PDZRN4: variants seen among roughly 807,000 people sequenced by gnomAD.
PDZRN4 encodes the protein PDZ domain containing ring finger 4.
Under a neutral mutation model 99.0 loss-of-function variants are expected in PDZRN4, and 70 were observed. The observed-to-expected ratio is 0.71, with a 90% CI of 0.58 to 0.86. PDZRN4 has a LOEUF of 0.86. Ranked by LOEUF, PDZRN4 falls within the 40% of genes least tolerant of loss-of-function variation. PDZRN4 has a pLI of 0.00. For missense variants in PDZRN4, 1,474 were observed against 1,331.2 expected, an observed-to-expected ratio of 1.11 and a Z score of -1.67; for synonymous variants, 551 against 501.6, an observed-to-expected ratio of 1.10 and a Z score of -1.32.
At position 41,525,869 on chromosome 12, in the gene PDZRN4, AT is replaced by A. The variant is rs1199017568; in HGVS notation, c.1203+15959del. Among the ~76,000 whole-genome samples the A allele has an allele frequency of 2.6e-5, 4 of 152,106 alleles. No individual in the cohort carries two copies. The South Asian group carries it at 6.2e-4, about 24-fold the overall frequency. ...AAAAAAAAAAATTCAAATTAAGCCC[AT>A]TTGTATATTTGACTTTCATATTCTC... On this transcript the variant is annotated intron_variant, in intron 5 of 9. Coordinates refer to ENST00000402685, the MANE Select transcript of PDZRN4 (RefSeq NM_001164595.2).
At chr12:41,567,545 T>A (rs1032797117) in intron 8 of PDZRN4, among the ~76,000 whole-genome samples, 1 of 152,104 alleles carries the variant, frequency 6.6e-6, no homozygotes, top group Non-Finnish European at 1.5e-5. Context: ...TGAGATTTAC[T>A]TGGTTATGAG....
chr12:41,481,650 T>C (rs1937675845), intron 3 of PDZRN4, among the ~76,000 whole-genome samples: 1 of 152,162 alleles, frequency 6.6e-6, no homozygotes, highest in Admixed American at 6.6e-5. Flanking sequence ...AAGTCTTCTG[T>C]AAAGTTTTCC....
chr12:41,340,378 A>C (rs1189843636), intron 3 of PDZRN4, among the ~76,000 whole-genome samples: 1 of 152,022 alleles, frequency 6.6e-6, no homozygotes, highest in East Asian at 1.9e-4. Context: ...TAAAACTAAA[A>C]GCAATTGAAC....
chr12:41,282,258 AT>A (rs1187381694), intron 3 of PDZRN4, among the ~76,000 whole-genome samples: 1 of 152,204 alleles, frequency 6.6e-6, no homozygotes, highest in Non-Finnish European at 1.5e-5. Flanking sequence ...ACCAACAAAG[AT>A]TTAAAAAGAC....
chr12:41,190,310 A>G (rs2120628562), intron 1 of PDZRN4, among the ~76,000 whole-genome samples: 1 of 152,338 alleles, frequency 6.6e-6, no homozygotes, highest in Non-Finnish European at 1.5e-5. Context: ...GGTTTCAAGG[A>G]GTATTTCTCT....
At chr12:41,480,995 A>G (rs1349948254) in intron 3 of PDZRN4, among the ~76,000 whole-genome samples, 5 of 151,852 alleles carry the variant, frequency 3.3e-5, no homozygotes, top group Non-Finnish European at 7.4e-5. Context: ...CTAATAGGCT[A>G]TATTTTAGAC....
chr12:41,194,106 A>G lies in PDZRN4; in HGVS notation c.761A>G (p.Glu254Gly). ...AATAATCAGGAAGGAACATCGACTG[A>G]AGGAATTTACGTTTCAAAAATTTTA... Reference protein sequence around the residue: ...NQNNQEGTSTEGIYVSKILEN... With the variant: ...NQNNQEGTSTGGIYVSKILEN... Residue 254 changes from glutamate to glycine, a missense_variant, in exon 3 of 10, where the codon GAA becomes GGA. Coordinates refer to ENST00000402685, the MANE Select transcript of PDZRN4 (RefSeq NM_001164595.2). 6.5e-7 allele frequency: 1 copy of G among 1,538,138 alleles called. No homozygotes were observed.
intron 3 of PDZRN4, among the ~76,000 whole-genome samples, chr12:41,352,975 G>A (rs927067272): frequency 3.9e-5 from 6 of 152,024 alleles, no homozygotes; most frequent in African/African-American, 1.4e-4. Context: ...ACACTGAGTT[G>A]GAGTGTTCTA....
intron 3 of PDZRN4, among the ~76,000 whole-genome samples, chr12:41,493,639 A>G (rs1448904993): frequency 6.6e-6 from 1 of 151,944 alleles, no homozygotes; most frequent in East Asian, 1.9e-4. Context: ...GTTGGTTACA[A>G]CTCTCCATAC....
chr12:41,536,264 T>C lies in PDZRN4; in HGVS notation c.1204-16392T>C, dbSNP rs79659853. Among the ~76,000 whole-genome samples the C allele has an allele frequency of 7.6e-3, 1,161 of 152,232 alleles. 50 individuals are homozygous for C. In the East Asian group the frequency reaches 0.14, roughly 18 times the overall value. On this transcript the variant is annotated intron_variant, in intron 5 of 9. Transcript: ENST00000402685. Reference sequence around the variant, plus strand: ...GAATATCATTCAGTGCTGAAAGAAATAAGCTGTCAAGCCATGAAAAAACAT... The same window carrying C: ...GAATATCATTCAGTGCTGAAAGAAACAAGCTGTCAAGCCATGAAAAAACAT...
chr12:41,188,616 T>C lies in PDZRN4; in HGVS notation c.161T>C (p.Leu54Pro). The C allele has an allele frequency of 6.5e-7, 1 of 1,539,788 alleles. No individual in the cohort carries two copies. ...GCGGTGCGGAGGCGCCGGTGCCCGC[T>C]GCAGTGCCAGCCCTTGGCGCCCGGC... The part of the protein sequence containing the change: ...PWAVRRRRCP[L>P]QCQPLAPGEL... The change falls in exon 1 of 10, where the codon CTG becomes CCG. Residue 54 changes from leucine (L) to proline (P), a missense_variant. By Grantham distance (98) the Leu-to-Pro change is moderately conservative (BLOSUM62 -3). Coordinates refer to ENST00000402685, the MANE Select transcript of PDZRN4 (RefSeq NM_001164595.2).
chr12:41,305,523 G>A (rs1254513099), intron 3 of PDZRN4, among the ~76,000 whole-genome samples: 1 of 152,096 alleles, frequency 6.6e-6, no homozygotes, highest in Non-Finnish European at 1.5e-5. Flanking sequence ...TTGGTATCTT[G>A]TGTGGGCTGC....
chr12:41,408,795 C>G (rs1021989832), intron 3 of PDZRN4, among the ~76,000 whole-genome samples: 1 of 151,860 alleles, frequency 6.6e-6, no homozygotes, highest in South Asian at 2.1e-4. Context: ...CTCTCTCTCT[C>G]TCTGTCTCTG....
At chr12:41,218,386 C>T (rs915456784) in intron 3 of PDZRN4, among the ~76,000 whole-genome samples, 2 of 152,006 alleles carry the variant, frequency 1.3e-5, no homozygotes, top group Non-Finnish European at 2.9e-5. Flanking sequence ...TCAGAGCAGG[C>T]CTGATCACTG....
At chr12:41,335,739 T>C (rs1951768852) in intron 3 of PDZRN4, among the ~76,000 whole-genome samples, 1 of 152,118 alleles carries the variant, frequency 6.6e-6, no homozygotes, top group African/African-American at 2.4e-5. Flanking sequence ...CACATAGAGT[T>C]AATATGTCCA....
At chr12:41,529,831 C>T (rs1938629613) in intron 5 of PDZRN4, among the ~76,000 whole-genome samples, 1 of 152,104 alleles carries the variant, frequency 6.6e-6, no homozygotes, top group South Asian at 2.1e-4. Flanking sequence ...TGACATTTTC[C>T]TTCTCTCTGG....
chr12:41,567,604 CTTTT>C (rs34848026), intron 8 of PDZRN4, among the ~76,000 whole-genome samples, 175 bp from the exon 9 acceptor site: 1 of 144,348 alleles, frequency 6.9e-6, no homozygotes, highest in African/African-American at 2.6e-5. Context: ...CATAAGAGTC[CTTTT>C]TTTTTTTTTT....
chr12:41,506,892 G>T (rs1283469007), intron 4 of PDZRN4, among the ~76,000 whole-genome samples, 180 bp downstream of exon 4: 2 of 152,074 alleles, frequency 1.3e-5, no homozygotes, highest in Admixed American at 6.6e-5. Context: ...GTCCCTGCTA[G>T]CTACTCTCCC....
intron 5 of PDZRN4, among the ~76,000 whole-genome samples, chr12:41,524,038 A>C (rs1938531380): frequency 6.6e-6 from 1 of 152,180 alleles, no homozygotes; most frequent in Non-Finnish European, 1.5e-5. Context: ...CAACATATAA[A>C]AATTAGTTGC....
Sources: gnomAD v4.1 joint callset for allele counts (sites outside exome capture counted in the v4.1 genomes callset) on GRCh38, gnomAD v4.1.1 for gene constraint, MANE v1.5 for transcripts, NCBI Gene and HGNC (gene_info 2026-07-23, HGNC 2026-07-21) for gene names.